Variants in PABPC4 observed in about 807,000 individuals in gnomAD.
PABPC4 encodes the protein poly(A) binding protein cytoplasmic 4, also known as polyadenylate-binding protein 4.
PABPC4 carries 15 observed loss-of-function variants against 74.5 expected under a neutral mutation model. The ratio of observed to expected loss-of-function variants is 0.20; its 90% CI spans 0.13 to 0.31. The LOEUF (loss-of-function observed/expected upper bound fraction) is 0.31. PABPC4 is among the 10% of genes least tolerant of loss of function. The pLI is 1.00. For synonymous variants in PABPC4, 345 were observed against 303.0 expected, an observed-to-expected ratio of 1.14 and a Z score of -1.44; for missense variants, 610 against 853.5, an observed-to-expected ratio of 0.71 and a Z score of 3.55.
At chr1:39,572,046 G>A (rs762800997) in intron 2 of PABPC4, among the ~76,000 whole-genome samples, 2 of 152,226 alleles carry the variant, frequency 1.3e-5, no homozygotes, top group African/African-American at 2.4e-5. Flanking sequence ...TACGTAGAAG[G>A]AATAGAGTGA....
At chr1:39,570,032 A>G (rs1176841476) in intron 3 of PABPC4, 30 bp from the exon 4 acceptor site, 1 of 1,606,326 alleles carries the variant, frequency 6.2e-7, no homozygotes, top group Admixed American at 1.7e-5. Context: ...AACAGTAATT[A>G]CCCAGAGGAA....
At chr1:39,569,803 C>T (rs571485136) in intron 4 of PABPC4, 60 bp downstream of exon 4, 4 of 1,598,764 alleles carry the variant, frequency 2.5e-6, no homozygotes, top group Admixed American at 1.7e-5. Flanking sequence ...GCCCTCATCT[C>T]TTAAGAAAAA....
rs17513135 is a variant in PABPC4 at position 39,570,014 on chromosome 1, C to T, written c.504-12G>A. ...ATCTGCCCACAAATCTAAAATGAAACCATGAAGAACAGTAATTACCCAGAG... is the reference window on the plus strand; with the variant it reads ...ATCTGCCCACAAATCTAAAATGAAATCATGAAGAACAGTAATTACCCAGAG... On this transcript the variant is annotated splice_polypyrimidine_tract_variant and intron_variant, in intron 3 of 15. Coordinates refer to ENST00000372858, the MANE Select transcript of PABPC4 (RefSeq NM_001135653.2). 325,855 of 1,603,330 alleles carry T rather than the reference C, an allele frequency of 0.2. 36,123 individuals carry two copies. Among genetic ancestry groups the T allele is most frequent in the Non-Finnish European group, 0.23 (270,719 of 1,175,088 alleles).
intron 3 of PABPC4, chr1:39,570,726 A>G (rs1165573462): frequency 6.3e-6 from 1 of 159,262 alleles, no homozygotes; most frequent in Non-Finnish European, 1.4e-5. Flanking sequence ...CATTGTCACC[A>G]AGTATTACTG....
At chr1:39,567,918 G>T in intron 6 of PABPC4, 72 bp from the exon 7 acceptor site, 1 of 843,944 alleles carries the variant, frequency 1.2e-6, no homozygotes. Context: ...GTTCCCCAAG[G>T]GTGGCCCCAG....
chr1:39,572,699 G>C, intron 1 of PABPC4, 113 bp from the exon 2 acceptor site: 1 of 722,700 alleles, frequency 1.4e-6, no homozygotes, highest in South Asian at 2.0e-5. Flanking sequence ...TTGATAAAAG[G>C]CAACTCTATT....
chr1:39,571,682 C>G (rs41264487), intron 2 of PABPC4: 68,367 of 482,220 alleles, frequency 0.14, 5,900 homozygotes, highest in Non-Finnish European at 0.19. Flanking sequence ...GGAGCCAGAT[C>G]GTTGGACAAT....
rs1417708067 is a variant in PABPC4, at chr1:39,576,029, G to A, written c.-78C>T. ...CGCCGCAGGACAAAGGGGCGCCTTC[G>A]GAGCCCGGGCCCGCGCCGCGGCTCA... On this transcript the variant is annotated 5_prime_UTR_variant, in exon 1 of 16. Coordinates refer to ENST00000372858, the MANE Select transcript of PABPC4 (RefSeq NM_001135653.2). 7.6e-6 allele frequency: 8 copies of A among 1,047,118 alleles called. No homozygotes were observed. The highest frequency in any genetic ancestry group is 7.8e-6 in the Non-Finnish European group (6 of 770,906). The allele number at this position is 1,047,118 out of a possible 1,614,324, so 64.9% of individuals were successfully genotyped here.
intron 11 of PABPC4, 28 bp from the exon 12 acceptor site, chr1:39,563,769 G>C: frequency 1.9e-6 from 3 of 1,613,750 alleles, no homozygotes; most frequent in South Asian, 2.2e-5. Flanking sequence ...TACAATTAAA[G>C]CCCATCAGTC....
intron 7 of PABPC4, among the ~76,000 whole-genome samples, chr1:39,566,902 C>T (rs1398194635): frequency 6.6e-6 from 1 of 152,208 alleles, no homozygotes; most frequent in East Asian, 1.9e-4. Context: ...CCTACTACAA[C>T]TGATAACATT....
chr1:39,567,640 G>C, intron 7 of PABPC4, 111 bp downstream of exon 7: 2 of 719,360 alleles, frequency 2.8e-6, no homozygotes, highest in South Asian at 1.6e-5. Flanking sequence ...AAACGTAGTA[G>C]CTACTTTCAG....
At position 39,563,919 on chromosome 1, in the gene PABPC4, G is replaced by T; in HGVS notation, c.1457C>A (p.Ser486Tyr). Reference protein sequence around the residue: ...GLPTTTQRVGSECPDRLAMDF... With the variant: ...GLPTTTQRVGYECPDRLAMDF... Reference sequence around the variant, plus strand: ...CATAGCCAAGCGGTCCGGGCACTCAGACCCTACAACAGACCAGCAAATGCA... The same window carrying T: ...CATAGCCAAGCGGTCCGGGCACTCATACCCTACAACAGACCAGCAAATGCA... Residue 486 changes from serine to tyrosine, a missense_variant, in exon 11 of 16, where the codon TCT becomes TAT. Ser to Tyr is a moderately radical substitution (Grantham distance 144). This residue lies in a region of PABPC4 where 277 missense variants were observed against 301.8 expected (regional missense o/e 0.92). Transcript: ENST00000372858. 6.2e-7 allele frequency: 1 copy of T among 1,614,138 alleles called. No individual in the cohort carries two copies. Among genetic ancestry groups the T allele is most frequent in the Non-Finnish European group, 8.5e-7 (1 of 1,180,016 alleles).
At chr1:39,568,214 G>A (rs1051287938) in intron 6 of PABPC4, 2 of 170,808 alleles carry the variant, frequency 1.2e-5, no homozygotes, top group East Asian at 1.7e-4. Context: ...CCGAGATTGT[G>A]CCACTGCACT....
In PABPC4 at chr1:39,564,473, G is replaced by A; in HGVS notation, c.1403C>T (p.Thr468Ile). The A allele has an allele frequency of 1.9e-6, 3 of 1,614,234 alleles. No homozygotes were observed. Among genetic ancestry groups the A allele is most frequent in the Non-Finnish European group, 2.5e-6 (3 of 1,180,042 alleles). The change falls in exon 10 of 16, where the codon ACT (threonine) becomes ATT (isoleucine). Residue 468 changes from threonine to isoleucine, a missense_variant. Physicochemically the swap from Thr to Ile is moderately conservative, Grantham distance 89. Transcript: ENST00000372858. Reference sequence around the variant, plus strand: ...GCCACGAGAGGCCGGAGCATTACCAGTTGGAGCCAGATGGCGAAGAGTTGG... The same window carrying A: ...GCCACGAGAGGCCGGAGCATTACCAATTGGAGCCAGATGGCGAAGAGTTGG... ...PRPTLRHLAP[T>I]GNAPASRGLP...
chr1:39,564,599 TGTGCCTCAGA>T, intron 9 of PABPC4, 57 bp from the exon 10 acceptor site: 1 of 1,612,238 alleles, frequency 6.2e-7, no homozygotes, highest in South Asian at 1.1e-5. Flanking sequence ...GAACCTAGGC[TGTGCCTCAGA>T]GTGGGGAAGA....
intron 2 of PABPC4, chr1:39,571,688 A>G (rs1206533774): frequency 2.1e-6 from 1 of 478,032 alleles, no homozygotes; most frequent in Admixed American, 2.4e-5. Context: ...AGATCGTTGG[A>G]CAATGGAGAC....
intron 1 of PABPC4, 23 bp downstream of exon 1, chr1:39,575,736 G>A (rs540712251): frequency 2.0e-6 from 3 of 1,535,864 alleles, no homozygotes; most frequent in Admixed American, 1.9e-5. Flanking sequence ...TCCCACGCAC[G>A]TGTGGGCACA....
Position 39,568,817 on chromosome 1 carries a change from T to C in PABPC4, c.861A>G (p.Arg287=). The C allele has an allele frequency of 6.2e-7, 1 of 1,613,640 alleles. No homozygotes were observed. Among genetic ancestry groups the C allele is most frequent in the East Asian group, 2.2e-5 (1 of 44,876 alleles). ...KRKFEQLKQE[R]ISRYQGVNLY... is the part of the protein sequence containing the mutation. ...ACCACCTTACCTGATATCGACTAAT[T>C]CTCTCCTGTTTCAACTGTTCAAATT... The change falls in exon 6 of 16, where the codon AGA becomes AGG. Residue 287 remains arginine, a synonymous_variant. Coordinates refer to ENST00000372858, the MANE Select transcript of PABPC4 (RefSeq NM_001135653.2).
intron 8 of PABPC4, 91 bp from the exon 9 acceptor site, chr1:39,564,864 G>T: frequency 9.4e-7 from 1 of 1,068,068 alleles, no homozygotes; most frequent in Non-Finnish European, 1.4e-6. Flanking sequence ...CAGGACCTAA[G>T]CTAATTATTT....
Sources: allele counts gnomAD v4.1 joint callset (sites outside exome capture counted in the v4.1 genomes callset), GRCh38; gene constraint gnomAD v4.1.1; regional missense constraint gnomAD v4.1.1; transcripts MANE v1.5; gene names NCBI Gene and HGNC (gene_info 2026-07-23, HGNC 2026-07-21).